FBXO4: variants seen among roughly 807,000 people sequenced by gnomAD.
FBXO4 encodes F-box only protein 4.
FBXO4 carries 36 observed loss-of-function variants against 43.7 expected under a neutral mutation model. The observed-to-expected ratio is 0.82, with a 90% CI of 0.63 to 1.09. The LOEUF (loss-of-function observed/expected upper bound fraction) is 1.09. FBXO4 is among the 50% of genes least tolerant of loss of function. FBXO4 has a pLI of 0.00. For missense variants in FBXO4, 435 were observed against 474.1 expected, an observed-to-expected ratio of 0.92 and a Z score of 0.77; for synonymous variants, 180 against 165.6, an observed-to-expected ratio of 1.09 and a Z score of -0.67.
intron 5 of FBXO4, chr5:41,934,764 A>C (rs911866910): frequency 2.0e-6 from 2 of 1,018,556 alleles, no homozygotes; most frequent in African/African-American, 3.4e-5. Flanking sequence ...AATAGTAAAG[A>C]GATGTGATGG....
At chr5:41,939,695 C>G (rs1751952268) in intron 6 of FBXO4, 79 bp downstream of exon 6, 1 of 1,198,744 alleles carries the variant, frequency 8.3e-7, no homozygotes, top group Non-Finnish European at 1.1e-6. Context: ...TTAAATTCAT[C>G]TTCTTTAATG....
chr5:41,954,598 C>CTAG, the FBXO4 span, among the ~76,000 whole-genome samples: 2 of 152,154 alleles, frequency 1.3e-5, no homozygotes, highest in Non-Finnish European at 2.9e-5. Flanking sequence ...TGAACAACAG[C>CTAG]TAGTGGTCTG....
chr5:41,971,148 C>A, the FBXO4 span, among the ~76,000 whole-genome samples: 137 of 150,754 alleles, frequency 9.1e-4, no homozygotes, highest in Middle Eastern at 3.4e-3. Flanking sequence ...AAAAACAAAA[C>A]CAGATTGAGG....
At chr5:42,022,227 C>T in the FBXO4 span, among the ~76,000 whole-genome samples, 2 of 152,094 alleles carry the variant, frequency 1.3e-5, no homozygotes, top group Admixed American at 1.3e-4. Flanking sequence ...ACTGGAATTT[C>T]TAAGCAAATA....
the FBXO4 span, among the ~76,000 whole-genome samples, chr5:42,004,772 ATTC>A: frequency 3.3e-5 from 5 of 152,162 alleles, no homozygotes; most frequent in African/African-American, 7.2e-5. Flanking sequence ...TACGCTTCAA[ATTC>A]TTCTTCTGTA....
At chr5:42,038,685 T>C in the FBXO4 span, among the ~76,000 whole-genome samples, 3 of 152,096 alleles carry the variant, frequency 2.0e-5, no homozygotes, top group African/African-American at 7.2e-5. Context: ...AGTCACCCTG[T>C]TGTGTTACTA....
chr5:41,959,515 T>G, the FBXO4 span, among the ~76,000 whole-genome samples: 16 of 152,280 alleles, frequency 1.1e-4, no homozygotes, highest in African/African-American at 3.8e-4. Flanking sequence ...TTATAGTTTT[T>G]GGTATTATAT....
the FBXO4 span, among the ~76,000 whole-genome samples, chr5:41,960,494 T>C: frequency 6.6e-6 from 1 of 152,164 alleles, no homozygotes; most frequent in Admixed American, 6.5e-5. Flanking sequence ...GCTTCTCATA[T>C]ATGGTCTTTA....
chr5:41,984,170 A>G, the FBXO4 span, among the ~76,000 whole-genome samples: 124 of 152,294 alleles, frequency 8.1e-4, no homozygotes, highest in African/African-American at 2.8e-3. Context: ...GGCATTTTTA[A>G]TAGTTTCTAA....
chr5:41,925,499 G>T lies in FBXO4; in HGVS notation c.189+1G>T, dbSNP rs1283969249. 3.1e-6 allele frequency: 4 copies of T among 1,307,564 alleles called. No individual in the cohort carries two copies. In the South Asian group the frequency reaches 6.7e-5, roughly 22 times the overall value. 81.0% of individuals were successfully genotyped at this position (1,307,564 alleles called of 1,614,324 possible). A position where few individuals can be genotyped will look rare whatever the true frequency, so the allele number is the denominator to read the frequency against. Reference sequence around the variant, plus strand: ...GGCCAGCACCCTGACGCGGCTGCCGGTGAGCGTCGGCCGCAGGCCGCGGAG... The same window carrying T: ...GGCCAGCACCCTGACGCGGCTGCCGTTGAGCGTCGGCCGCAGGCCGCGGAG... On this transcript the variant is annotated splice_donor_variant, in intron 1 of 6. Coordinates refer to ENST00000281623, the MANE Select transcript of FBXO4 (RefSeq NM_012176.3). LOFTEE classifies it high-confidence loss of function.
the FBXO4 span, among the ~76,000 whole-genome samples, chr5:41,965,067 G>A: frequency 6.6e-6 from 1 of 152,158 alleles, no homozygotes; most frequent in Admixed American, 6.5e-5. Flanking sequence ...TGTATAAGGT[G>A]TAAGGAAGGG....
intron 3 of FBXO4, among the ~76,000 whole-genome samples, chr5:41,932,680 A>G (rs1177808886): frequency 6.6e-6 from 1 of 152,186 alleles, no homozygotes; most frequent in South Asian, 2.1e-4. Context: ...AGGAAAGGAT[A>G]ATAGGAGGCA....
chr5:42,034,397 G>T, the FBXO4 span, among the ~76,000 whole-genome samples: 1 of 152,092 alleles, frequency 6.6e-6, no homozygotes, highest in Non-Finnish European at 1.5e-5. Flanking sequence ...TTTGGCTTTT[G>T]TTGCAATTGC....
chr5:41,977,754 A>G, the FBXO4 span, among the ~76,000 whole-genome samples: 1 of 152,128 alleles, frequency 6.6e-6, no homozygotes, highest in East Asian at 1.9e-4. Context: ...CCATATTTCT[A>G]TCAGAATTTT....
At chr5:41,972,599 A>C in the FBXO4 span, among the ~76,000 whole-genome samples, 2 of 152,312 alleles carry the variant, frequency 1.3e-5, no homozygotes, top group South Asian at 2.1e-4. Flanking sequence ...AACCAAAAAA[A>C]TAAGCCTGAA....
the FBXO4 span, among the ~76,000 whole-genome samples, chr5:42,024,728 C>A: frequency 3.3e-5 from 5 of 152,024 alleles, no homozygotes; most frequent in East Asian, 3.8e-4. Flanking sequence ...CCTCTGGTAA[C>A]CATCCTTCTA....
the FBXO4 span, among the ~76,000 whole-genome samples, chr5:41,986,069 A>G: frequency 2.0e-5 from 3 of 152,138 alleles, no homozygotes; most frequent in South Asian, 6.2e-4. Flanking sequence ...CTCAGAATTC[A>G]CTTGTGGTAG....
chr5:41,945,660 C>T (rs186750061), downstream of FBXO4, among the ~76,000 whole-genome samples: 248 of 152,250 alleles, frequency 1.6e-3, no homozygotes, highest in African/African-American at 5.8e-3. Context: ...GAATGGAATG[C>T]GACCCTTATG....
At chr5:41,968,914 G>A in the FBXO4 span, among the ~76,000 whole-genome samples, 1 of 152,014 alleles carries the variant, frequency 6.6e-6, no homozygotes, top group African/African-American at 2.4e-5. Flanking sequence ...TTTTATGAAT[G>A]CCCATTCTGT....
Sources: allele counts gnomAD v4.1 joint callset (sites outside exome capture counted in the v4.1 genomes callset), GRCh38; gene constraint gnomAD v4.1.1; transcripts MANE v1.5; gene names NCBI Gene and HGNC (gene_info 2026-07-23, HGNC 2026-07-21).